VCPKMT: variants seen among roughly 807,000 people sequenced by gnomAD.
VCPKMT encodes the protein valosin containing protein lysine methyltransferase, also known as protein N-lysine methyltransferase METTL21D.
Under a neutral mutation model 28.6 loss-of-function variants are expected in VCPKMT, and 32 were observed. That is an observed-to-expected ratio of 1.12 (90% CI 0.84 to 1.50). The LOEUF (loss-of-function observed/expected upper bound fraction) is 1.50, where lower values mean the gene tolerates loss of function less well. Ranked by LOEUF, VCPKMT falls within the 40% of genes most tolerant of loss-of-function variation. VCPKMT has a pLI of 0.00. For missense variants in VCPKMT, 366 were observed against 285.0 expected (o/e 1.28, Z -2.05); for synonymous variants, 138 against 111.4 (o/e 1.24, Z -1.50).
chr14:50,103,320 A>C, the VCPKMT span, among the ~76,000 whole-genome samples: 3 of 152,244 alleles, frequency 2.0e-5, no homozygotes, highest in Non-Finnish European at 4.4e-5. Context: ...AAGATTATTT[A>C]GGCAAGAAAC....
rs528138954 is a variant in VCPKMT at position 50,115,210 on chromosome 14, T to C, written c.450+629A>G. Among the ~76,000 whole-genome samples, 17 of 145,658 alleles carry C rather than the reference T, an allele frequency of 1.2e-4. No homozygotes were observed. The South Asian group carries it at 3.5e-3, about 30-fold the overall frequency. On this transcript the variant is annotated intron_variant, in intron 3 of 5. Coordinates refer to ENST00000395860, the MANE Select transcript of VCPKMT (RefSeq NM_024558.3). The stretch of plus-strand genomic sequence containing the variant: ...TCTTGTTGCCCAGGCTGGAATGCAA[T>C]GGCATGATTTCGGCTCACTGCAACC...
rs570135680 is a variant in VCPKMT, at chr14:50,109,027, A to G, written c.*672T>C. ...CTGTAAAGATATCTTTTGTTCCTCC[A>G]ATCTTCTGATTTGTCTTCTTAGCAA... On this transcript the variant is annotated 3_prime_UTR_variant, in exon 6 of 6. Coordinates refer to ENST00000395860, the MANE Select transcript of VCPKMT (RefSeq NM_024558.3). The G allele has an allele frequency of 1.9e-5, 19 of 985,422 alleles. No homozygotes were observed. The East Asian group carries it at 2.0e-3, about 106-fold the overall frequency. 61.0% of individuals were successfully genotyped at this position (985,422 alleles called of 1,614,324 possible). A position where few individuals can be genotyped will look rare whatever the true frequency, so the allele number is the denominator to read the frequency against.
At chr14:50,105,387 T>C (rs546586233), downstream of VCPKMT, among the ~76,000 whole-genome samples, 1 of 152,194 alleles carries the variant, frequency 6.6e-6, no homozygotes, top group South Asian at 2.1e-4. Flanking sequence ...TCCCAACACT[T>C]TGGGAGGCTG....
At position 50,109,465 on chromosome 14, in the gene VCPKMT, T is replaced by C; in HGVS notation, c.*234A>G. 1.6e-6 allele frequency: 2 copies of C among 1,235,090 alleles called. No homozygotes were observed. The highest frequency in any genetic ancestry group is 2.0e-6 in the Non-Finnish European group (2 of 988,874). The allele number at this position is 1,235,090 out of a possible 1,614,324, so 76.5% of individuals were successfully genotyped here. A position where few individuals can be genotyped will look rare whatever the true frequency, so the allele number is the denominator to read the frequency against. On this transcript the variant is annotated 3_prime_UTR_variant, in exon 6 of 6. Transcript: ENST00000395860. ...TTCCCAACATTTAAGAAGAACTTGA[T>C]GCTGAACTAAGTAACCTAAGCTGGA...
At chr14:50,110,592 A>G (rs1955929) in intron 5 of VCPKMT, among the ~76,000 whole-genome samples, 132,115 of 152,232 alleles carry the variant, frequency 0.87, 57,421 homozygotes, top group East Asian at 0.92. Context: ...ATACACTGCT[A>G]GTGAGAACGT....
At position 50,116,501 on chromosome 14, in the gene VCPKMT, G is replaced by C. The variant is rs751175717; in HGVS notation, c.52C>G (p.Arg18Gly). The C allele has an allele frequency of 1.7e-5, 27 of 1,613,600 alleles. No homozygotes were observed. In the Middle Eastern group the frequency reaches 4.9e-4, roughly 29 times the overall value. Residue 18 changes from arginine (R) to glycine (G), a missense_variant, in exon 1 of 6, where the codon CGA becomes GGA. Physicochemically the swap from Arg to Gly is moderately radical, Grantham distance 125. Transcript: ENST00000395860. ...SLEDPLRSFV[R>G]VLEKRDGTVL... Reference sequence around the variant, plus strand: ...GTACCATCCCGCTTCTCCAAAACTCGCACAAAGCTCCGCAGTGGGTCCTCC... The same window carrying C: ...GTACCATCCCGCTTCTCCAAAACTCCCACAAAGCTCCGCAGTGGGTCCTCC...
Position 50,109,072 on chromosome 14 carries a change from C to G in VCPKMT, c.*627G>C. ...TAGCAACTCATTACAGTACAATTTA[C>G]TGATTAAATCACATAGATATGTATG... On this transcript the variant is annotated 3_prime_UTR_variant, in exon 6 of 6. Coordinates refer to ENST00000395860, the MANE Select transcript of VCPKMT (RefSeq NM_024558.3). 3.1e-6 allele frequency: 3 copies of G among 982,748 alleles called. No homozygotes were observed. Among genetic ancestry groups the G allele is most frequent in the Non-Finnish European group, 3.6e-6 (3 of 827,530 alleles). The allele number at this position is 982,748 out of a possible 1,614,324, so 60.9% of individuals were successfully genotyped here.
At chr14:50,107,578 T>TGAGCCACCGCGC (rs1293928544), downstream of VCPKMT, among the ~76,000 whole-genome samples, 4 of 152,212 alleles carry the variant, frequency 2.6e-5, no homozygotes, top group African/African-American at 9.6e-5. Flanking sequence ...CATACAGGCG[T>TGAGCCACCGCGC]GAGCCACCGC....
chr14:50,111,527 A>C (rs911986230), intron 5 of VCPKMT: 2 of 985,310 alleles, frequency 2.0e-6, no homozygotes. Flanking sequence ...AATTCATAAA[A>C]CTAATCATCT....
chr14:50,115,447 G>T (rs949555410), intron 3 of VCPKMT, among the ~76,000 whole-genome samples: 1 of 152,076 alleles, frequency 6.6e-6, no homozygotes, highest in African/African-American at 2.4e-5. Flanking sequence ...CACCGCGCCC[G>T]GCCCAAACTG....
chr14:50,112,393 G>GAA (rs1491164359), intron 5 of VCPKMT, among the ~76,000 whole-genome samples: 11 of 56,422 alleles, frequency 1.9e-4, no homozygotes, highest in Admixed American at 5.0e-4. Context: ...TAAAAAATAC[G>GAA]AGAAAAAAAA....
In VCPKMT at chr14:50,109,163, T is replaced by C; in HGVS notation, c.*536A>G. 1 of 903,648 alleles carries C rather than the reference T, an allele frequency of 1.1e-6. No homozygotes were observed. Among genetic ancestry groups the C allele is most frequent in the African/African-American group, 1.8e-5 (1 of 55,826 alleles). 56.0% of individuals were successfully genotyped at this position (903,648 alleles called of 1,614,324 possible). ...ACAATATCTCAGTTCTTTTTAAAAT[T>C]AAAAGAACATTTCAGTATTAAAGAT... On this transcript the variant is annotated 3_prime_UTR_variant, in exon 6 of 6. Transcript: ENST00000395860.
chr14:50,103,209 C>T, the VCPKMT span, among the ~76,000 whole-genome samples: 3 of 152,134 alleles, frequency 2.0e-5, no homozygotes, highest in African/African-American at 7.2e-5. Context: ...CAGACACAAT[C>T]CAAGGTTTTG....
Position 50,116,313 on chromosome 14 carries a change from G to C in VCPKMT, c.240C>G (p.Ala80=), listed in dbSNP as rs1319907682. ...SVLELGSGTG[A]VGLMAATLGA... The stretch of plus-strand genomic sequence containing the variant: ...CGAGGGTAGCAGCCATGAGCCCCAC[G>C]GCCCCGGTGCCCGAACCCAGCTCCA... Residue 80 remains alanine (A), a synonymous_variant, in exon 1 of 6, where the codon GCC becomes GCG. Transcript: ENST00000395860. 2.5e-6 allele frequency: 4 copies of C among 1,585,138 alleles called. No individual in the cohort carries two copies. Among genetic ancestry groups the C allele is most frequent in the East Asian group, 2.3e-5 (1 of 42,888 alleles).
In VCPKMT at chr14:50,116,081, T is replaced by C. The variant is rs200395324; in HGVS notation, c.365A>G (p.Lys122Arg). 3.7e-6 allele frequency: 6 copies of C among 1,612,272 alleles called. No individual in the cohort carries two copies. The East Asian group carries it at 8.9e-5, about 24-fold the overall frequency. The change falls in exon 2 of 6, where the codon AAG (lysine) becomes AGG (arginine). Residue 122 changes from lysine (K) to arginine (R), a missense_variant. By Grantham distance (26) the Lys-to-Arg change is conservative. Transcript: ENST00000395860. ...AGGCCATACAAACCATTTCAGTACCTTGGCTTGAACAGAACCAGTGACAAG... is the reference window on the plus strand; with the variant it reads ...AGGCCATACAAACCATTTCAGTACCCTGGCTTGAACAGAACCAGTGACAAG... ...KHLVTGSVQA[K>R]VLKWGEEIEG...
intron 4 of VCPKMT, chr14:50,113,605 T>C (rs1486319307): frequency 3.2e-4 from 14 of 43,554 alleles, no homozygotes; most frequent in African/African-American, 9.3e-4. Flanking sequence ...GACAAAAAGT[T>C]TAAAAAACAA....
At chr14:50,112,539 A>G in intron 5 of VCPKMT, 76 bp downstream of exon 5, 1 of 914,704 alleles carries the variant, frequency 1.1e-6, no homozygotes, top group Non-Finnish European at 1.7e-6. Flanking sequence ...CAACGCCCAT[A>G]CCACACATAT....
At chr14:50,115,774 G>A in intron 3 of VCPKMT, 65 bp downstream of exon 3, 1 of 1,518,342 alleles carries the variant, frequency 6.6e-7, no homozygotes. Context: ...AGAAACGTGT[G>A]CTTTAGAATT....
intron 5 of VCPKMT, chr14:50,111,429 G>T: frequency 1.0e-6 from 1 of 985,342 alleles, no homozygotes; most frequent in Non-Finnish European, 1.2e-6. Context: ...CTTTTGACTA[G>T]AATTCATATA....
Sources: allele counts gnomAD v4.1 joint callset (sites outside exome capture counted in the v4.1 genomes callset), GRCh38; gene constraint gnomAD v4.1.1; transcripts MANE v1.5; gene names NCBI Gene and HGNC (gene_info 2026-07-23, HGNC 2026-07-21).